NSUN6: variants seen among roughly 807,000 people sequenced by gnomAD.
NSUN6 encodes the protein NOP2/Sun RNA methyltransferase 6.
Under a neutral mutation model 58.0 loss-of-function variants are expected in NSUN6, and 64 were observed. That is an observed-to-expected ratio of 1.10 (90% CI 0.90 to 1.36). NSUN6 has a LOEUF of 1.36. Among genes scored for constraint, NSUN6 ranks in the 40% most tolerant of loss-of-function variants. The pLI, the probability that NSUN6 is intolerant of heterozygous loss-of-function variation, is 0.00. For missense variants in NSUN6, 701 were observed against 550.1 expected (o/e 1.27, Z -2.74); for synonymous variants, 231 against 193.9 (o/e 1.19, Z -1.59).
chr10:18,601,666 G>T (rs953080647), intron 6 of NSUN6, among the ~76,000 whole-genome samples: 1 of 152,160 alleles, frequency 6.6e-6, no homozygotes, highest in African/African-American at 2.4e-5. Context: ...AGCTGGATTA[G>T]CAGTTCTCAT....
Position 18,559,627 on chromosome 10 carries a change from G to C in NSUN6, c.923-7656C>G, listed in dbSNP as rs117854311. ...ATGGAATGGAATGCGGAATGGAATG[G>C]AGAATGGAATGGAATTAAGAATCTT... is the stretch of plus-strand genomic sequence containing the variant. On this transcript the variant is annotated intron_variant, in intron 8 of 10. Transcript: ENST00000377304. 7.3e-4 allele frequency among the ~76,000 whole-genome samples: 111 copies of C among 151,344 alleles called. 3 individuals carry two copies. In the East Asian group the frequency reaches 0.02, roughly 27 times the overall value.
chr10:18,563,414 G>A (rs554792101), intron 8 of NSUN6, among the ~76,000 whole-genome samples: 11 of 151,118 alleles, frequency 7.3e-5, no homozygotes, highest in South Asian at 2.1e-4. Context: ...GGTATGGAAC[G>A]GAATGGAGAA....
chr10:18,563,067 G>C (rs2055655550), intron 8 of NSUN6, among the ~76,000 whole-genome samples: 1 of 151,072 alleles, frequency 6.6e-6, no homozygotes, highest in Non-Finnish European at 1.5e-5. Flanking sequence ...GATTGGAATG[G>C]AATGGAACAG....
chr10:18,642,584 A>G, intron 2 of NSUN6, 29 bp from the exon 3 acceptor site: 1 of 1,000,656 alleles, frequency 1.0e-6, no homozygotes, highest in Non-Finnish European at 1.6e-6. Context: ...ATTATAAAGT[A>G]ATCCATACAT....
At chr10:18,576,983 T>C (rs551230231) in intron 8 of NSUN6, among the ~76,000 whole-genome samples, 1 of 152,336 alleles carries the variant, frequency 6.6e-6, no homozygotes, top group South Asian at 2.1e-4. Context: ...TCATGGGGAA[T>C]ACCAGATCAA....
chr10:18,602,404 C>T (rs1011595563), intron 6 of NSUN6, among the ~76,000 whole-genome samples: 11 of 152,190 alleles, frequency 7.2e-5, no homozygotes, highest in Middle Eastern at 3.4e-3. Context: ...CCACCACGCC[C>T]GGCTAATTTT....
chr10:18,589,349 G>A (rs796888835), intron 7 of NSUN6, among the ~76,000 whole-genome samples: 28 of 152,186 alleles, frequency 1.8e-4, no homozygotes, highest in African/African-American at 6.7e-4. Flanking sequence ...CACACTTTAG[G>A]ATATCATCCA....
intron 6 of NSUN6, 27 bp from the exon 7 acceptor site, chr10:18,596,354 A>T: frequency 6.8e-7 from 1 of 1,480,944 alleles, no homozygotes; most frequent in Non-Finnish European, 9.4e-7. Flanking sequence ...GTAATCGATT[A>T]TCAATAATCC....
Position 18,609,886 on chromosome 10 carries a change from G to T in NSUN6, c.616C>A (p.Pro206Thr). Reference protein sequence around the residue: ...IRMTEPVYLSPSFDSVLPRYL... With the variant: ...IRMTEPVYLSTSFDSVLPRYL... ...CGGGGCAGTACACTGTCAAATGAAG[G>T]GCTGAGATATACTGGTTCTGTCATT... The change falls in exon 6 of 11, where the codon CCT becomes ACT. Residue 206 changes from proline to threonine, a missense_variant. By Grantham distance (38) the Pro-to-Thr change is conservative. Transcript: ENST00000377304. 1.2e-6 allele frequency: 2 copies of T among 1,605,570 alleles called. No individual in the cohort carries two copies. The highest frequency in any genetic ancestry group is 2.7e-5 in the African/African-American group (2 of 74,856).
At chr10:18,548,305 C>T (rs2054407545) in intron 9 of NSUN6, 68 bp from the exon 10 acceptor site, 2 of 1,358,850 alleles carry the variant, frequency 1.5e-6, no homozygotes, top group African/African-American at 1.5e-5. Context: ...AATTTCAAAG[C>T]AAAAGGTATA....
intron 4 of NSUN6, among the ~76,000 whole-genome samples, chr10:18,615,353 GACA>G (rs1201541734): frequency 6.6e-6 from 1 of 152,020 alleles, no homozygotes; most frequent in Non-Finnish European, 1.5e-5. Flanking sequence ...TCTATTACCT[GACA>G]ACAATAGCGA....
At position 18,567,587 on chromosome 10, in the gene NSUN6, GCATTCCATTCTCCATTCCATTCTCTATTC is replaced by G. The variant is rs1348779592; in HGVS notation, c.923-15645_923-15617del. Among the ~76,000 whole-genome samples, 613 of 135,926 alleles carry G rather than the reference GCATTCCATTCTCCATTCCATTCTCTATTC, an allele frequency of 4.5e-3. 6 individuals carry two copies. Among genetic ancestry groups the G allele is most frequent in the African/African-American group, 0.016 (569 of 36,044 alleles). The allele number at this position is 135,926 out of a possible 152,430, so 89.2% of individuals were successfully genotyped here. A position where few individuals can be genotyped will look rare whatever the true frequency, so the allele number is the denominator to read the frequency against. On this transcript the variant is annotated intron_variant, in intron 8 of 10. Coordinates refer to ENST00000377304, the MANE Select transcript of NSUN6 (RefSeq NM_182543.5). ...ATTCCGTTCCATTCCATTCTCCATA[GCATTCCATTCTCCATTCCATTCTCTATTC>G]CATTCCATTCTCTATTCCATTCTCC...
chr10:18,651,004 T>C (rs2059687711), intron 1 of NSUN6, 125 bp downstream of exon 1: 2 of 1,099,422 alleles, frequency 1.8e-6, no homozygotes, highest in African/African-American at 1.6e-5. Flanking sequence ...ATTTTTACAC[T>C]TGATAGACAA....
chr10:18,606,892 A>T (rs1275782284), intron 6 of NSUN6, among the ~76,000 whole-genome samples: 1 of 152,148 alleles, frequency 6.6e-6, no homozygotes, highest in East Asian at 1.9e-4. Context: ...TTGTGGGATA[A>T]TGAGGCTCCC....
At position 18,586,112 on chromosome 10, in the gene NSUN6, C is replaced by T; in HGVS notation, c.778-19G>A. On this transcript the variant is annotated intron_variant, in intron 7 of 10. Coordinates refer to ENST00000377304, the MANE Select transcript of NSUN6 (RefSeq NM_182543.5). ...CTTCTCCCTAAAAAGAAACAAAACA[C>T]ACACATGCAGAAAAAAAAAAAGAAA... The T allele has an allele frequency of 6.7e-7, 1 of 1,497,164 alleles. No homozygotes were observed. The highest frequency in any genetic ancestry group is 9.0e-7 in the Non-Finnish European group (1 of 1,115,918). 92.7% of individuals were successfully genotyped at this position (1,497,164 alleles called of 1,614,324 possible).
At chr10:18,580,513 C>A (rs1345308961) in intron 8 of NSUN6, among the ~76,000 whole-genome samples, 1 of 152,176 alleles carries the variant, frequency 6.6e-6, no homozygotes, top group East Asian at 1.9e-4. Flanking sequence ...GAACTGGGGG[C>A]TATCTTCCTC....
intron 8 of NSUN6, among the ~76,000 whole-genome samples, chr10:18,580,430 G>A (rs1446966980): frequency 6.6e-6 from 1 of 152,148 alleles, no homozygotes; most frequent in Non-Finnish European, 1.5e-5. Flanking sequence ...CCCTAAGAGG[G>A]ACAGGCTTGT....
chr10:18,642,937 T>C lies in NSUN6; in HGVS notation c.232-382A>G, dbSNP rs571430211. 1.5e-3 allele frequency among the ~76,000 whole-genome samples: 231 copies of C among 152,228 alleles called. 2 individuals carry two copies. The highest frequency in any genetic ancestry group is 5.4e-3 in the African/African-American group (226 of 41,558). ...ATTACTATTGATAAATACTACCTAATATACACAATCAACACTGGCATCCAT... is the reference window on the plus strand; with the variant it reads ...ATTACTATTGATAAATACTACCTAACATACACAATCAACACTGGCATCCAT... On this transcript the variant is annotated intron_variant, in intron 2 of 10. Transcript: ENST00000377304.
At chr10:18,555,483 T>C (rs1250286543) in intron 8 of NSUN6, among the ~76,000 whole-genome samples, 11 of 145,526 alleles carry the variant, frequency 7.6e-5, no homozygotes, top group East Asian at 4.2e-4. Context: ...CAGTGGTGAA[T>C]AGAATGGAAT....
Sources: allele counts gnomAD v4.1 joint callset (sites outside exome capture counted in the v4.1 genomes callset), GRCh38; gene constraint gnomAD v4.1.1; transcripts MANE v1.5; gene names NCBI Gene and HGNC (gene_info 2026-07-23, HGNC 2026-07-21).